The following SULF1 variants were observed in gnomAD, a reference collection of about 807,000 sequenced individuals.
SULF1 encodes the protein sulfatase 1.
SULF1 carries 46 observed loss-of-function variants against 110.5 expected under a neutral mutation model. That is an observed-to-expected ratio of 0.42 (90% confidence interval 0.33 to 0.53). The LOEUF (loss-of-function observed/expected upper bound fraction) is 0.53. SULF1 is among the 20% of genes least tolerant of loss of function. SULF1 has a pLI of 0.12. For missense variants in SULF1, 941 were observed against 1,094.2 expected (o/e 0.86, Z 1.98); for synonymous variants, 371 against 387.1 (o/e 0.96, Z 0.49).
At chr8:69,517,261 A>C (rs1372147) in intron 3 of SULF1, among the ~76,000 whole-genome samples, 79,615 of 151,906 alleles carry the variant, frequency 0.52, 21,561 homozygotes, top group South Asian at 0.64. Context: ...ACAATAATGG[A>C]AATTATCTGT....
rs530303449 is a variant in SULF1 at position 69,588,920 on chromosome 8, T to C, written c.565-52T>C. 2.6e-6 allele frequency: 4 copies of C among 1,559,972 alleles called. No homozygotes were observed. The East Asian group carries it at 9.0e-5, about 35-fold the overall frequency. On this transcript the variant is annotated intron_variant, in intron 7 of 22. Transcript: ENST00000402687. ...GGAAAGCAGTTATTCAAATGCGATCTGATGAATGTCACCTTTTGTAATTTT... is the reference window on the plus strand; with the variant it reads ...GGAAAGCAGTTATTCAAATGCGATCCGATGAATGTCACCTTTTGTAATTTT...
intron 3 of SULF1, among the ~76,000 whole-genome samples, chr8:69,513,597 T>G (rs1329165976): frequency 6.6e-6 from 1 of 152,174 alleles, no homozygotes; most frequent in Non-Finnish European, 1.5e-5. Context: ...TAGGAAATAA[T>G]AAGATATAGG....
rs1046873971 is a variant in SULF1, at chr8:69,549,090, G to A, written c.-133-14449G>A. Among the ~76,000 whole-genome samples, 4 of 152,182 alleles carry A rather than the reference G, an allele frequency of 2.6e-5. No individual in the cohort carries two copies. The East Asian group carries it at 7.7e-4, about 29-fold the overall frequency. Reference sequence around the variant, plus strand: ...TGCCAGATGCCCTGTGTAAGCAGATGTTTTGAACAGCACTCGCAGTTTCCA... The same window carrying A: ...TGCCAGATGCCCTGTGTAAGCAGATATTTTGAACAGCACTCGCAGTTTCCA... On this transcript the variant is annotated intron_variant, in intron 3 of 22. Coordinates refer to ENST00000402687, the MANE Select transcript of SULF1 (RefSeq NM_001128205.2).
Position 69,658,623 on chromosome 8 carries a change from C to CTGT in SULF1, c.*89_*90insGTT. 1 of 1,076,640 alleles carries CTGT rather than the reference C, an allele frequency of 9.3e-7. No homozygotes were observed. The highest frequency in any genetic ancestry group is 1.4e-6 in the Non-Finnish European group (1 of 691,514). The allele number at this position is 1,076,640 out of a possible 1,614,324, so 66.7% of individuals were successfully genotyped here. The stretch of plus-strand genomic sequence containing the variant: ...AAAACATCTATGAGTACAGACAAAA[C>CTGT]TACAGACTTAGTCTGGTGGACTGGA... On this transcript the variant is annotated 3_prime_UTR_variant, in exon 23 of 23. Transcript: ENST00000402687.
In SULF1 at chr8:69,617,406, TATATATATATATATATATATATATATATG is replaced by T. The variant is rs1228249193; in HGVS notation, c.1378-3628_1378-3600del. ...ATATATATATATATATATATATATA[TATATATATATATATATATATATATATATG>T]TTTTTTTTTTTTTTGGAGAGACAGG... On this transcript the variant is annotated intron_variant, in intron 13 of 22. Coordinates refer to ENST00000402687, the MANE Select transcript of SULF1 (RefSeq NM_001128205.2). Among the ~76,000 whole-genome samples, 129 of 78,964 alleles carry T rather than the reference TATATATATATATATATATATATATATATG, an allele frequency of 1.6e-3. 1 individual carries two copies. The highest frequency in any genetic ancestry group is 6.1e-3 in the African/African-American group (98 of 16,064). The allele number at this position is 78,964 out of a possible 152,430, so 51.8% of individuals were successfully genotyped here.
chr8:69,546,985 C>T (rs1814305898), intron 3 of SULF1, among the ~76,000 whole-genome samples: 1 of 152,168 alleles, frequency 6.6e-6, no homozygotes, highest in Admixed American at 6.5e-5. Flanking sequence ...CACAGCTTTC[C>T]TTTGCTTGTC....
intron 22 of SULF1, among the ~76,000 whole-genome samples, chr8:69,656,745 C>T (rs895087162): frequency 5.9e-5 from 9 of 152,112 alleles, no homozygotes; most frequent in African/African-American, 1.9e-4. Context: ...GGTTTGATTC[C>T]ATGTCTTTGC....
intron 21 of SULF1, among the ~76,000 whole-genome samples, chr8:69,640,163 A>AAAG (rs1554597248): frequency 4.7e-5 from 7 of 149,828 alleles, no homozygotes; most frequent in Admixed American, 1.3e-4. Context: ...AAGAAAGAAA[A>AAAG]AAAGAAAGAA....
chr8:69,491,552 A>G (rs1382443446), upstream of SULF1, among the ~76,000 whole-genome samples: 1 of 152,244 alleles, frequency 6.6e-6, no homozygotes, highest in Non-Finnish European at 1.5e-5. Flanking sequence ...AAGTAAGCTG[A>G]CTTGAGTAAA....
intron 1 of SULF1, among the ~76,000 whole-genome samples, chr8:69,477,681 T>C (rs1012968181): frequency 3.9e-5 from 6 of 152,158 alleles, no homozygotes; most frequent in African/African-American, 1.4e-4. Context: ...AAATCTGGAT[T>C]CTAGAACTTG....
chr8:69,582,287 C>A (rs1402379869), intron 6 of SULF1, among the ~76,000 whole-genome samples: 1 of 152,144 alleles, frequency 6.6e-6, no homozygotes, highest in Non-Finnish European at 1.5e-5. Context: ...TATGTAACCT[C>A]CGAAGAGATA....
intron 3 of SULF1, among the ~76,000 whole-genome samples, chr8:69,517,036 T>C (rs971974185): frequency 6.6e-6 from 1 of 152,138 alleles, no homozygotes; most frequent in African/African-American, 2.4e-5. Context: ...ATACCATAGA[T>C]TAAGTAATTT....
At chr8:69,480,104 T>C (rs1809456335) in intron 1 of SULF1, among the ~76,000 whole-genome samples, 1 of 152,212 alleles carries the variant, frequency 6.6e-6, no homozygotes, top group Admixed American at 6.5e-5. Context: ...AACATGCAGC[T>C]TTATCATAGA....
chr8:69,495,396 T>TA (rs917066359), intron 1 of SULF1, among the ~76,000 whole-genome samples: 119 of 149,994 alleles, frequency 7.9e-4, no homozygotes, highest in South Asian at 5.3e-3. Context: ...CCTGGCTCTT[T>TA]AAAAAAAAAA....
At chr8:69,482,307 T>C (rs561609458) in intron 1 of SULF1, among the ~76,000 whole-genome samples, 1 of 152,204 alleles carries the variant, frequency 6.6e-6, no homozygotes, top group Non-Finnish European at 1.5e-5. Flanking sequence ...ATTTTCCCCA[T>C]AGTTTATGAA....
intron 22 of SULF1, among the ~76,000 whole-genome samples, chr8:69,645,669 C>T (rs1167481767): frequency 6.6e-6 from 1 of 152,148 alleles, no homozygotes; most frequent in Non-Finnish European, 1.5e-5. Context: ...TGCAGTGATC[C>T]AGACACAGGA....
rs117163243 is a variant in SULF1 at position 69,618,145 on chromosome 8, C to T, written c.1378-2890C>T. ...AGAACCACTCATCTGACCTAACTTC[C>T]TGTGTTTAATTAAGTTGACTTCACA... On this transcript the variant is annotated intron_variant, in intron 13 of 22. Coordinates refer to ENST00000402687, the MANE Select transcript of SULF1 (RefSeq NM_001128205.2). Among the ~76,000 whole-genome samples, 77 of 152,338 alleles carry T rather than the reference C, an allele frequency of 5.1e-4. No homozygotes were observed. In the East Asian group the frequency reaches 0.014, roughly 28 times the overall value.
chr8:69,556,195 G>T (rs755757771), intron 3 of SULF1, among the ~76,000 whole-genome samples: 3 of 152,096 alleles, frequency 2.0e-5, no homozygotes, highest in Admixed American at 6.6e-5. Context: ...AAGAAATGGG[G>T]TACTAGTGAA....
chr8:69,486,891 T>C (rs1809736363), intron 1 of SULF1, among the ~76,000 whole-genome samples: 1 of 152,250 alleles, frequency 6.6e-6, no homozygotes, highest in Non-Finnish European at 1.5e-5. Context: ...ACTGTTGTTC[T>C]GAAAAAGCAA....
Sources: gnomAD v4.1 joint callset for allele counts (sites outside exome capture counted in the v4.1 genomes callset) on GRCh38, gnomAD v4.1.1 for gene constraint, MANE v1.5 for transcripts, NCBI Gene and HGNC (gene_info 2026-07-23, HGNC 2026-07-21) for gene names.